The following DSE variants were observed in gnomAD, a reference collection of about 807,000 sequenced individuals.
The protein encoded by DSE is dermatan sulfate epimerase, also known as dermatan-sulfate epimerase.
Under a neutral mutation model 84.4 loss-of-function variants are expected in DSE, and 36 were observed. The ratio of observed to expected loss-of-function variants is 0.43; its 90% CI spans 0.33 to 0.56. The LOEUF (loss-of-function observed/expected upper bound fraction) is 0.56. DSE is among the 20% of genes least tolerant of loss of function. The pLI, the probability that DSE is intolerant of heterozygous loss-of-function variation, is 0.06. For missense variants in DSE, 862 were observed against 1,169.6 expected (o/e 0.74, Z 3.84); for synonymous variants, 410 against 430.1 (o/e 0.95, Z 0.58).
chr6:116,400,711 T>A (rs982846769), intron 2 of DSE: 2 of 152,192 alleles, frequency 1.3e-5, no homozygotes, highest in African/African-American at 2.4e-5. Flanking sequence ...TATAATATTG[T>A]AGGTTGAAAA....
chr6:116,368,725 A>G (rs531330516), upstream of DSE, among the ~76,000 whole-genome samples: 16 of 152,350 alleles, frequency 1.1e-4, no homozygotes, highest in Admixed American at 4.6e-4. Flanking sequence ...CTTGAATTCA[A>G]TTCTTGGCAT....
At chr6:116,261,761 G>T (rs1175578245) in intron 2 of DSE, among the ~76,000 whole-genome samples, 4 of 152,164 alleles carry the variant, frequency 2.6e-5, no homozygotes, top group Non-Finnish European at 2.9e-5. Flanking sequence ...TTGTTATTTT[G>T]AGGTATGTTC....
intron 2 of DSE, among the ~76,000 whole-genome samples, chr6:116,409,307 C>T (rs1019964146): frequency 1.3e-5 from 2 of 152,068 alleles, no homozygotes; most frequent in East Asian, 1.9e-4. Flanking sequence ...GACAGAGTCT[C>T]GCTCTGTCGC....
At chr6:116,411,277 C>T (rs932517492) in intron 2 of DSE, among the ~76,000 whole-genome samples, 1 of 152,048 alleles carries the variant, frequency 6.6e-6, no homozygotes, top group Non-Finnish European at 1.5e-5. Context: ...TGCAGAAAGT[C>T]CAAAGGAGAT....
chr6:116,371,679 A>G (rs1388506335), intron 1 of DSE, among the ~76,000 whole-genome samples: 1 of 152,188 alleles, frequency 6.6e-6, no homozygotes, highest in African/African-American at 2.4e-5. Flanking sequence ...GCTGGATTCC[A>G]GCGCTCCTGG....
Position 116,399,396 on chromosome 6 carries a change from C to G in DSE, c.146C>G (p.Ser49Cys), listed in dbSNP as rs1562282667. The change falls in exon 2 of 6, where the codon TCC (serine) becomes TGC (cysteine). Residue 49 changes from serine (S) to cysteine (C), a missense_variant. Physicochemically the swap from Ser to Cys is moderately radical, Grantham distance 112 (BLOSUM62 -1). This residue lies in a region of DSE where 309 missense variants were observed against 516.9 expected (regional missense o/e 0.60). Transcript: ENST00000644252. The stretch of plus-strand genomic sequence containing the variant: ...GACAGCCATCCCATGCTGTACTTCT[C>G]CAGGGCAGAAGTGGCGGAGCTGCAG... ...NYDSHPMLYF[S>C]RAEVAELQLR... 1 of 1,614,182 alleles carries G rather than the reference C, an allele frequency of 6.2e-7. No homozygotes were observed. Among genetic ancestry groups the G allele is most frequent in the Non-Finnish European group, 8.5e-7 (1 of 1,180,050 alleles).
At chr6:116,318,139 T>C (rs1291873135) in intron 2 of DSE, among the ~76,000 whole-genome samples, 1 of 152,216 alleles carries the variant, frequency 6.6e-6, no homozygotes, top group African/African-American at 2.4e-5. Context: ...TCGACATTCA[T>C]GATTTCATTT....
intron 2 of DSE, among the ~76,000 whole-genome samples, chr6:116,421,442 CATATATAT>C (rs1325657865): frequency 2.0e-5 from 1 of 50,140 alleles, no homozygotes; most frequent in African/African-American, 1.1e-4. Flanking sequence ...ACTATATATA[CATATATAT>C]ATATATATAT....
At chr6:116,293,837 C>T (rs9488889) in intron 2 of DSE, among the ~76,000 whole-genome samples, 6 of 151,644 alleles carry the variant, frequency 4.0e-5, no homozygotes, top group Admixed American at 2.0e-4. Context: ...GCTATGATCA[C>T]GCCACTGCAC....
chr6:116,278,238 A>G, intron 2 of DSE: 1 of 433,096 alleles, frequency 2.3e-6, no homozygotes, highest in Non-Finnish European at 4.3e-6. Context: ...AGGCAGTACA[A>G]TCTACAGTAT....
intron 2 of DSE, among the ~76,000 whole-genome samples, chr6:116,350,937 CCTT>C (rs1778277286): frequency 6.6e-6 from 1 of 151,002 alleles, no homozygotes; most frequent in Non-Finnish European, 1.5e-5. Flanking sequence ...TCCTGAAAGT[CCTT>C]CTGTTTTATG....
intron 5 of DSE, among the ~76,000 whole-genome samples, chr6:116,433,758 A>G (rs1374851115): frequency 6.6e-6 from 1 of 152,212 alleles, no homozygotes; most frequent in Non-Finnish European, 1.5e-5. Context: ...AAAAATTTCA[A>G]CTTTTAGATA....
chr6:116,349,973 C>T (rs914788548), intron 2 of DSE, among the ~76,000 whole-genome samples: 3 of 152,146 alleles, frequency 2.0e-5, no homozygotes, highest in Non-Finnish European at 2.9e-5. Context: ...TCACCACTTA[C>T]TACCTTTAAA....
intron 2 of DSE, chr6:116,279,927 C>T: frequency 6.4e-7 from 1 of 1,553,398 alleles, no homozygotes; most frequent in South Asian, 1.1e-5. Context: ...CCTACAGTCT[C>T]ACTAACATTT....
At chr6:116,375,296 A>G (rs1458835336) in intron 1 of DSE, among the ~76,000 whole-genome samples, 2 of 150,860 alleles carry the variant, frequency 1.3e-5, no homozygotes, top group Non-Finnish European at 2.9e-5. Context: ...CCCCATTCTA[A>G]TAGGAAATAT....
chr6:116,317,775 A>G (rs2114750610), intron 2 of DSE, among the ~76,000 whole-genome samples: 1 of 152,330 alleles, frequency 6.6e-6, no homozygotes, highest in Middle Eastern at 3.4e-3. Context: ...CTCTGTGCTT[A>G]TGAGTGTTGT....
At chr6:116,279,281 CCTT>C (rs1773332310) in intron 2 of DSE, 8 of 1,572,244 alleles carry the variant, frequency 5.1e-6, no homozygotes, top group Admixed American at 1.8e-5. Context: ...TCCATTACCT[CCTT>C]CTCCGCCAGG....
chr6:116,407,986 C>T (rs557071821), intron 2 of DSE, among the ~76,000 whole-genome samples: 4 of 152,214 alleles, frequency 2.6e-5, no homozygotes, highest in Non-Finnish European at 5.9e-5. Context: ...GCTGGCCTTT[C>T]TGCCTACAGA....
intron 2 of DSE, among the ~76,000 whole-genome samples, chr6:116,262,712 A>C (rs1419337187): frequency 6.6e-6 from 1 of 152,066 alleles, no homozygotes; most frequent in African/African-American, 2.4e-5. Flanking sequence ...TTAGGTTTTT[A>C]ACTTAAGATC....
Sources: gnomAD v4.1 joint callset for allele counts (sites outside exome capture counted in the v4.1 genomes callset) on GRCh38, gnomAD v4.1.1 for gene constraint, gnomAD v4.1.1 regional missense constraint, MANE v1.5 for transcripts, NCBI Gene and HGNC (gene_info 2026-07-23, HGNC 2026-07-21) for gene names.